MMP16: variants seen among roughly 807,000 people sequenced by gnomAD.
MMP16 encodes matrix metallopeptidase 16.
A neutral mutation model predicts 67.8 loss-of-function variants in MMP16; 12 were observed. The observed-to-expected ratio is 0.18, with a 90% CI of 0.11 to 0.29. The LOEUF (loss-of-function observed/expected upper bound fraction) is 0.29. Among genes scored for constraint, MMP16 ranks in the 10% least tolerant of loss-of-function variants. MMP16 has a pLI of 1.00. For missense variants in MMP16, 475 were observed against 765.7 expected, an observed-to-expected ratio of 0.62 and a Z score of 4.48; for synonymous variants, 249 against 255.9, an observed-to-expected ratio of 0.97 and a Z score of 0.26.
chr8:88,046,834 G>A (rs748509682), intron 8 of MMP16, 50 bp from the exon 9 acceptor site: 55 of 1,173,678 alleles, frequency 4.7e-5, no homozygotes, highest in Non-Finnish European at 6.3e-5. Context: ...CACATATAGG[G>A]AAAGATTATG....
At chr8:88,275,720 A>C (rs1304168676) in intron 1 of MMP16, among the ~76,000 whole-genome samples, 5 of 151,922 alleles carry the variant, frequency 3.3e-5, no homozygotes, top group Non-Finnish European at 7.4e-5. Flanking sequence ...TCAAAATATC[A>C]GAACTGGGTC....
intron 9 of MMP16, among the ~76,000 whole-genome samples, chr8:88,043,902 T>C (rs1329638587): frequency 6.6e-6 from 1 of 152,208 alleles, no homozygotes; most frequent in Non-Finnish European, 1.5e-5. Flanking sequence ...AATAACGGCA[T>C]TGATCTAGAA....
At chr8:88,290,640 C>A (rs556519276) in intron 1 of MMP16, among the ~76,000 whole-genome samples, 2 of 152,036 alleles carry the variant, frequency 1.3e-5, no homozygotes, top group Non-Finnish European at 2.9e-5. Context: ...TGCAGTGATG[C>A]GATCATGGCT....
intron 6 of MMP16, among the ~76,000 whole-genome samples, chr8:88,111,273 T>C (rs1009137020): frequency 5.6e-4 from 85 of 151,886 alleles, no homozygotes; most frequent in African/African-American, 2.0e-3. Flanking sequence ...GTTAACGTTT[T>C]TGAAATTCTA....
chr8:88,281,277 G>A (rs1280197086), intron 1 of MMP16, among the ~76,000 whole-genome samples: 1 of 152,156 alleles, frequency 6.6e-6, no homozygotes, highest in Non-Finnish European at 1.5e-5. Flanking sequence ...AATTCATGTA[G>A]AGTCAAAATT....
At chr8:88,168,662 T>C (rs963392025) in intron 3 of MMP16, among the ~76,000 whole-genome samples, 1 of 152,202 alleles carries the variant, frequency 6.6e-6, no homozygotes, top group Non-Finnish European at 1.5e-5. Flanking sequence ...CTTGATTCAT[T>C]TGGCACTAAA....
intron 1 of MMP16, among the ~76,000 whole-genome samples, chr8:88,225,482 A>C (rs923622496): frequency 3.3e-5 from 5 of 152,010 alleles, no homozygotes; most frequent in Non-Finnish European, 7.4e-5. Flanking sequence ...AATAATTGTA[A>C]CAATATCCAA....
intron 6 of MMP16, among the ~76,000 whole-genome samples, chr8:88,098,025 C>T (rs1809059446): frequency 6.6e-6 from 1 of 151,812 alleles, no homozygotes; most frequent in Admixed American, 6.6e-5. Flanking sequence ...ACAAGGACAC[C>T]CTCACTCTGA....
rs532621229 is a variant in MMP16, at chr8:88,208,990, G to A, written c.133-11684C>T. Reference sequence around the variant, plus strand: ...AACCGTGCCAGATGAGGAAGAAGACGTAAAAGAAGCCGTGCTGGAAAACAA... The same window carrying A: ...AACCGTGCCAGATGAGGAAGAAGACATAAAAGAAGCCGTGCTGGAAAACAA... On this transcript the variant is annotated intron_variant, in intron 1 of 9. Transcript: ENST00000286614. Among the ~76,000 whole-genome samples the A allele has an allele frequency of 3.9e-5, 6 of 152,144 alleles. No individual in the cohort carries two copies. The South Asian group carries it at 8.3e-4, about 21-fold the overall frequency.
chr8:88,263,987 AGTGTGTGTGT>A (rs56663859), intron 1 of MMP16, among the ~76,000 whole-genome samples: 2 of 142,118 alleles, frequency 1.4e-5, no homozygotes, highest in Non-Finnish European at 3.0e-5. Flanking sequence ...AGAGAGAGAG[AGTGTGTGTGT>A]GTGTGTGTGT....
In MMP16 at chr8:88,133,915, TAAAAG is replaced by T. The variant is rs765196023; in HGVS notation, c.710-15059_710-15055del. On this transcript the variant is annotated intron_variant, in intron 4 of 9. Transcript: ENST00000286614. The stretch of plus-strand genomic sequence containing the variant: ...TCTTCAAGTTGAAACATATAAAAAA[TAAAAG>T]GAAAGAAGGTAGATTGCAATTCAGT... Among the ~76,000 whole-genome samples, 3 of 151,514 alleles carry T rather than the reference TAAAAG, an allele frequency of 2.0e-5. 1 individual carries two copies. The highest frequency in any genetic ancestry group is 4.4e-5 in the Non-Finnish European group (3 of 67,768).
intron 4 of MMP16, among the ~76,000 whole-genome samples, chr8:88,123,617 C>T (rs1807878112): frequency 6.6e-6 from 1 of 151,822 alleles, no homozygotes; most frequent in Non-Finnish European, 1.5e-5. Context: ...TGTCACTGAA[C>T]TTGTTACTGA....
chr8:88,327,228 T>C lies in MMP16; in HGVS notation c.-22A>G, dbSNP rs768666492. 5 of 1,613,376 alleles carry C rather than the reference T, an allele frequency of 3.1e-6. No individual in the cohort carries two copies. Among genetic ancestry groups the C allele is most frequent in the African/African-American group, 1.3e-5 (1 of 74,976 alleles). ...TCATAGTGAACTGTGCTTCAATGGA[T>C]GGACGAGCTCCCCTTCGTTTTCTCC... On this transcript the variant is annotated 5_prime_UTR_variant, in exon 1 of 10. Transcript: ENST00000286614.
At chr8:88,074,235 A>G (rs1808607804) in intron 7 of MMP16, among the ~76,000 whole-genome samples, 1 of 152,214 alleles carries the variant, frequency 6.6e-6, no homozygotes, top group Admixed American at 6.5e-5. Flanking sequence ...GAGATTATGT[A>G]TGAAAATAGG....
intron 1 of MMP16, among the ~76,000 whole-genome samples, chr8:88,265,163 C>A (rs533819240): frequency 6.6e-6 from 1 of 151,000 alleles, no homozygotes; most frequent in African/African-American, 2.4e-5. Flanking sequence ...AGTATTGATT[C>A]TCACCAGCCC....
intron 1 of MMP16, among the ~76,000 whole-genome samples, chr8:88,273,212 G>T (rs753645230): frequency 2.1e-4 from 32 of 150,572 alleles, no homozygotes; most frequent in Non-Finnish European, 3.7e-4. Flanking sequence ...AGCCTCCTGA[G>T]GAGCTGGGGC....
intron 4 of MMP16, among the ~76,000 whole-genome samples, chr8:88,140,247 T>C (rs1402404690): frequency 6.6e-6 from 1 of 152,048 alleles, no homozygotes; most frequent in African/African-American, 2.4e-5. Context: ...TAGGGTTCTG[T>C]GAAACACAGT....
chr8:88,041,221 C>T lies in MMP16; in HGVS notation c.*240G>A. ...GAGCGTGCAGAGGAAAGGCCTAGAA[C>T]TGAATGACAAAGAAAGACAAAGGAC... is the stretch of plus-strand genomic sequence containing the variant. On this transcript the variant is annotated 3_prime_UTR_variant, in exon 10 of 10. Coordinates refer to ENST00000286614, the MANE Select transcript of MMP16 (RefSeq NM_005941.5). The surrounding 1 kb of genome is among the most constrained non-coding windows in gnomAD (Gnocchi z 6.0). 2.1e-6 allele frequency: 1 copy of T among 474,712 alleles called. No homozygotes were observed. The highest frequency in any genetic ancestry group is 3.8e-6 in the Non-Finnish European group (1 of 266,274). 29.4% of individuals were successfully genotyped at this position (474,712 alleles called of 1,614,324 possible).
intron 4 of MMP16, among the ~76,000 whole-genome samples, chr8:88,151,245 C>T (rs1269118359): frequency 7.3e-6 from 1 of 137,860 alleles, no homozygotes; most frequent in Admixed American, 7.4e-5. Context: ...GAGACTTAGA[C>T]TCCCACACAT....
Sources: allele counts gnomAD v4.1 joint callset (sites outside exome capture counted in the v4.1 genomes callset), GRCh38; gene constraint gnomAD v4.1.1; non-coding constraint Gnocchi (gnomAD v3.1); transcripts MANE v1.5; gene names NCBI Gene and HGNC (gene_info 2026-07-23, HGNC 2026-07-21).